Variants in SLC1A5 observed in about 807,000 individuals in gnomAD.
SLC1A5 encodes the protein neutral amino acid transporter B(0).
A neutral mutation model predicts 34.9 loss-of-function variants in SLC1A5; 25 were observed. The ratio of observed to expected loss-of-function variants is 0.72; its 90% CI spans 0.52 to 1.00. SLC1A5 has a LOEUF of 1.00. Among genes scored for constraint, SLC1A5 ranks in the 50% least tolerant of loss-of-function variants. SLC1A5 has a pLI of 0.00. For synonymous variants in SLC1A5, 351 were observed against 341.2 expected (o/e 1.03, Z -0.32); for missense variants, 637 against 740.0 (o/e 0.86, Z 1.61).
chr19:46,787,411 C>G lies in SLC1A5; in HGVS notation c.555G>C (p.Leu185=). ...GAGCGGGAGCTGACCTCGCAAGATC[C>G]AGGAACGAATCGAGCACCTCCTTGC... ...APSKEVLDSF[L]DLARNIFPSN... is the part of the protein sequence containing the mutation. Residue 185 remains leucine, a synonymous_variant, in exon 1 of 8, where the codon CTG becomes CTC. Transcript: ENST00000542575. This position sits in a 1 kb window ranked among gnomAD's most constrained non-coding sequence, Gnocchi z 5.2. 1 of 1,598,950 alleles carries G rather than the reference C, an allele frequency of 6.3e-7. No homozygotes were observed. Among genetic ancestry groups the G allele is most frequent in the South Asian group, 1.1e-5 (1 of 88,464 alleles).
Position 46,774,923 on chromosome 19 carries a change from C to A in SLC1A5, c.*587G>T, listed in dbSNP as rs2055070292. On this transcript the variant is annotated 3_prime_UTR_variant, in exon 8 of 8. Coordinates refer to ENST00000542575, the MANE Select transcript of SLC1A5 (RefSeq NM_005628.3). ...TCAATTTTATTGCTAAAAAAAATGT[C>A]CTCTGGAGTGACAGCAGGTATTTGT... The A allele has an allele frequency of 1.0e-6, 1 of 985,764 alleles. No homozygotes were observed. The highest frequency in any genetic ancestry group is 1.2e-6 in the Non-Finnish European group (1 of 830,036). 61.1% of individuals were successfully genotyped at this position (985,764 alleles called of 1,614,324 possible).
intron 1 of SLC1A5, among the ~76,000 whole-genome samples, chr19:46,785,802 G>A (rs1222097552): frequency 2.0e-5 from 3 of 152,170 alleles, no homozygotes; most frequent in East Asian, 1.9e-4. Flanking sequence ...GAGTTTGGCC[G>A]GGTGCGGTGG....
chr19:46,781,444 C>T (rs1275788187), intron 4 of SLC1A5, among the ~76,000 whole-genome samples: 1 of 152,068 alleles, frequency 6.6e-6, no homozygotes, highest in Admixed American at 6.6e-5. Context: ...ACTAAAAATA[C>T]AAAATTAGCC....
chr19:46,782,735 G>A (rs1035147022), intron 3 of SLC1A5, among the ~76,000 whole-genome samples, 186 bp from the exon 4 acceptor site: 2 of 152,162 alleles, frequency 1.3e-5, no homozygotes, highest in South Asian at 4.1e-4. Flanking sequence ...CAGAGTAGGT[G>A]GGGCTGGAAT....
intron 7 of SLC1A5, 185 bp downstream of exon 7, chr19:46,776,790 C>A (rs1455731361): frequency 5.8e-5 from 36 of 618,264 alleles, no homozygotes; most frequent in East Asian, 1.4e-4. Flanking sequence ...TTTCTGACAT[C>A]CCTCTTAGAG....
chr19:46,779,781 C>A (rs1316415680), intron 4 of SLC1A5, among the ~76,000 whole-genome samples: 9 of 151,550 alleles, frequency 5.9e-5, no homozygotes, highest in Admixed American at 5.9e-4. Context: ...ACCTGTAATC[C>A]CAGCATGCAG....
In SLC1A5 at chr19:46,787,949, G is replaced by C. The variant is rs1413964710; in HGVS notation, c.17C>G (p.Pro6Arg). The change falls in exon 1 of 8, where the codon CCT becomes CGT. Residue 6 changes from proline (P) to arginine (R), a missense_variant. Coordinates refer to ENST00000542575, the MANE Select transcript of SLC1A5 (RefSeq NM_005628.3). This position sits in a 1 kb window ranked among gnomAD's most constrained non-coding sequence, Gnocchi z 5.2. The stretch of plus-strand genomic sequence containing the variant: ...CGCTGCGAGCCCCTTGGAGTCTCGA[G>C]GAGGATCGGCCACCATGATGGGAAG... MVADP[P>R]RDSKGLAAAE... is the part of the protein sequence containing the mutation. 2 of 1,569,076 alleles carry C rather than the reference G, an allele frequency of 1.3e-6. No individual in the cohort carries two copies. The highest frequency in any genetic ancestry group is 2.4e-5 in the East Asian group (1 of 42,352).
At chr19:46,786,108 T>C (rs1459766429) in intron 1 of SLC1A5, among the ~76,000 whole-genome samples, 2 of 150,692 alleles carry the variant, frequency 1.3e-5, no homozygotes, top group Non-Finnish European at 2.9e-5. Flanking sequence ...TAGGTGTGTA[T>C]GTGAGTGTGT....
intron 3 of SLC1A5, 151 bp downstream of exon 3, chr19:46,783,946 G>C (rs2055167297): frequency 3.1e-6 from 2 of 652,122 alleles, no homozygotes; most frequent in South Asian, 3.5e-5. Flanking sequence ...ACAAAGTAGA[G>C]ACCTATCCAG....
At chr19:46,777,506 C>A in intron 5 of SLC1A5, 101 bp from the exon 6 acceptor site, 1 of 1,137,192 alleles carries the variant, frequency 8.8e-7, no homozygotes, top group Non-Finnish European at 1.2e-6. Context: ...CCCACCCCAA[C>A]CAGCCAAAGC....
intron 7 of SLC1A5, among the ~76,000 whole-genome samples, chr19:46,776,271 G>A (rs1331790200): frequency 6.7e-6 from 1 of 148,578 alleles, no homozygotes; most frequent in African/African-American, 2.5e-5. Flanking sequence ...CACAATCTCG[G>A]CTCACTGCAA....
At chr19:46,779,735 A>G (rs2055130285) in intron 4 of SLC1A5, among the ~76,000 whole-genome samples, 1 of 151,806 alleles carries the variant, frequency 6.6e-6, no homozygotes, top group African/African-American at 2.4e-5. Flanking sequence ...CCCAGTCTCT[A>G]CAAAAAATAA....
intron 4 of SLC1A5, among the ~76,000 whole-genome samples, chr19:46,782,061 T>C (rs2055150187): frequency 6.6e-6 from 1 of 152,096 alleles, no homozygotes; most frequent in Admixed American, 6.6e-5. Context: ...GCCTGGCTAA[T>C]TTTTTCGTAT....
chr19:46,780,240 G>A (rs986395647), intron 4 of SLC1A5, among the ~76,000 whole-genome samples: 3 of 152,042 alleles, frequency 2.0e-5, no homozygotes, highest in Admixed American at 6.6e-5. Flanking sequence ...AGGTTGAGGT[G>A]GGAGGATCAC....
chr19:46,778,788 G>T lies in SLC1A5; in HGVS notation c.945C>A (p.Ile315=). ...YILCCLLGHA[I]HGLLVLPLIY... ...TGAGGGGCAGTACCAGGAGCCCATGGATGGCGTGACCCAGCAGGCAGCACA... is the reference window on the plus strand; with the variant it reads ...TGAGGGGCAGTACCAGGAGCCCATGTATGGCGTGACCCAGCAGGCAGCACA... Residue 315 remains isoleucine (I), a synonymous_variant, in exon 5 of 8, where the codon ATC becomes ATA. Coordinates refer to ENST00000542575, the MANE Select transcript of SLC1A5 (RefSeq NM_005628.3). The T allele has an allele frequency of 6.2e-7, 1 of 1,613,950 alleles. No homozygotes were observed. The highest frequency in any genetic ancestry group is 8.5e-7 in the Non-Finnish European group (1 of 1,179,904).
At chr19:46,782,355 A>AC in intron 4 of SLC1A5, 28 bp downstream of exon 4, 8 of 279,244 alleles carry the variant, frequency 2.9e-5, no homozygotes, top group South Asian at 1.1e-4. Flanking sequence ...AACCCCACCC[A>AC]CCCCCAGCCT....
intron 4 of SLC1A5, 37 bp downstream of exon 4, chr19:46,782,346 A>ACACCCC: frequency 1.8e-6 from 1 of 567,986 alleles, no homozygotes; most frequent in Non-Finnish European, 3.2e-6. Flanking sequence ...CGACCCTCCA[A>ACACCCC]CCCCACCCAC....
rs867371032 is a variant in SLC1A5, at chr19:46,787,577, C to A, written c.389G>T (p.Trp130Leu). ...DPGALGRLGA[W>L]ALLFFLVTTL... is the part of the protein sequence containing the mutation. ...GGTGACCAGGAAAAAGAGCAGCGCC[C>A]AGGCGCCCAGACGGCCGAGCGCGCC... Residue 130 changes from tryptophan to leucine, a missense_variant, in exon 1 of 8, where the codon TGG becomes TTG. By Grantham distance (61) the Trp-to-Leu change is moderately conservative (BLOSUM62 -2). Transcript: ENST00000542575. This position sits in a 1 kb window ranked among gnomAD's most constrained non-coding sequence, Gnocchi z 5.2. 1.3e-6 allele frequency: 2 copies of A among 1,565,104 alleles called. No homozygotes were observed. The highest frequency in any genetic ancestry group is 2.3e-5 in the East Asian group (1 of 42,730).
At chr19:46,780,979 A>C (rs2055141514) in intron 4 of SLC1A5, among the ~76,000 whole-genome samples, 1 of 152,114 alleles carries the variant, frequency 6.6e-6, no homozygotes, top group South Asian at 2.1e-4. Context: ...CTCTAAATAA[A>C]TAAATAAATA....
Sources: allele counts gnomAD v4.1 joint callset (sites outside exome capture counted in the v4.1 genomes callset), GRCh38; gene constraint gnomAD v4.1.1; non-coding constraint Gnocchi (gnomAD v3.1); transcripts MANE v1.5; gene names NCBI Gene and HGNC (gene_info 2026-07-23, HGNC 2026-07-21).